The following EPB41L5 variants were observed in gnomAD, a reference collection of about 807,000 sequenced individuals.
EPB41L5 encodes band 4.1-like protein 5.
Under a neutral mutation model 106.6 loss-of-function variants are expected in EPB41L5, and 55 were observed. The ratio of observed to expected loss-of-function variants is 0.52; its 90% CI spans 0.42 to 0.65. The LOEUF is 0.65. Ranked by LOEUF, EPB41L5 falls within the 30% of genes least tolerant of loss-of-function variation. The probability of loss-of-function intolerance (pLI) is 0.00; values close to 1 mark genes in which losing one functional copy is unlikely to be tolerated. For synonymous variants in EPB41L5, 297 were observed against 306.7 expected, an observed-to-expected ratio of 0.97 and a Z score of 0.33; for missense variants, 871 against 882.1, an observed-to-expected ratio of 0.99 and a Z score of 0.16.
chr2:120,019,546 T>G (rs902198963), intron 2 of EPB41L5, among the ~76,000 whole-genome samples: 1 of 152,184 alleles, frequency 6.6e-6, no homozygotes, highest in Non-Finnish European at 1.5e-5. Flanking sequence ...TTTCTATGTG[T>G]TCTTTGTGAT....
chr2:120,038,117 G>A (rs931528224), intron 2 of EPB41L5, among the ~76,000 whole-genome samples: 7 of 152,114 alleles, frequency 4.6e-5, no homozygotes, highest in African/African-American at 1.2e-4. Context: ...AAATGTTTGC[G>A]AACCAGATAT....
At chr2:120,064,702 G>A (rs1681322995) in intron 3 of EPB41L5, among the ~76,000 whole-genome samples, 1 of 152,102 alleles carries the variant, frequency 6.6e-6, no homozygotes, top group Non-Finnish European at 1.5e-5. Context: ...CCTTTTTAAG[G>A]TACAGTGAAG....
At position 120,077,335 on chromosome 2, in the gene EPB41L5, TG is replaced by T. The variant is rs1558852714; in HGVS notation, c.714+20del. 1 of 1,591,990 alleles carries T rather than the reference TG, an allele frequency of 6.3e-7. No individual in the cohort carries two copies. The highest frequency in any genetic ancestry group is 2.2e-5 in the East Asian group (1 of 44,594). On this transcript the variant is annotated intron_variant, in intron 9 of 24. Transcript: ENST00000263713. ...GGTCAAGGTAAGCATTGTGTTGTGA[TG>T]CTTTTTTAAAAATTTATTCTTTGGA... is the stretch of plus-strand genomic sequence containing the variant.
At chr2:120,020,168 A>T (rs1366925198) in intron 2 of EPB41L5, among the ~76,000 whole-genome samples, 1 of 152,264 alleles carries the variant, frequency 6.6e-6, no homozygotes, top group East Asian at 1.9e-4. Context: ...GATATTCCTT[A>T]ATGTCTTTTC....
chr2:120,091,465 T>G, intron 12 of EPB41L5, 90 bp from the exon 13 acceptor site: 1 of 839,676 alleles, frequency 1.2e-6, no homozygotes. Flanking sequence ...ATGATTCTTT[T>G]AAGGAGAACC....
chr2:120,080,818 A>G lies in EPB41L5; in HGVS notation c.803+2237A>G, dbSNP rs555196266. On this transcript the variant is annotated intron_variant, in intron 10 of 24. Transcript: ENST00000263713. ...GGCCATTCTAACTGGTGTGAGATGTATCTCATTGTGGTTTTGATTTGCATT... is the reference window on the plus strand; with the variant it reads ...GGCCATTCTAACTGGTGTGAGATGTGTCTCATTGTGGTTTTGATTTGCATT... Among the ~76,000 whole-genome samples the G allele has an allele frequency of 2.6e-5, 4 of 152,274 alleles. No individual in the cohort carries two copies. In the East Asian group the frequency reaches 7.7e-4, roughly 29 times the overall value.
At chr2:120,159,316 G>C (rs1004437068) in intron 20 of EPB41L5, among the ~76,000 whole-genome samples, 1 of 150,256 alleles carries the variant, frequency 6.7e-6, no homozygotes. Flanking sequence ...CCAGCTACTC[G>C]GGAGGCTGAG....
intron 16 of EPB41L5, chr2:120,105,956 A>G (rs1450366790): frequency 1.0e-6 from 1 of 985,402 alleles, no homozygotes; most frequent in Non-Finnish European, 1.2e-6. Flanking sequence ...AAGAGGCACA[A>G]TGAAGTTGTA....
chr2:120,161,533 T>C (rs4848575), intron 21 of EPB41L5, among the ~76,000 whole-genome samples: 105,941 of 152,074 alleles, frequency 0.7, 38,191 homozygotes, highest in Non-Finnish European at 0.79. Flanking sequence ...GGCTATGCTT[T>C]CACTCATTTC....
intron 3 of EPB41L5, among the ~76,000 whole-genome samples, chr2:120,048,396 T>C (rs1014221337): frequency 6.6e-6 from 1 of 152,200 alleles, no homozygotes; most frequent in Non-Finnish European, 1.5e-5. Context: ...TGGGAGGGTG[T>C]ATGTGTCCAG....
chr2:120,093,920 T>G (rs1683577481), intron 14 of EPB41L5, among the ~76,000 whole-genome samples: 1 of 152,212 alleles, frequency 6.6e-6, no homozygotes, highest in African/African-American at 2.4e-5. Flanking sequence ...TCTCTTTATG[T>G]GAATCTTAAA....
chr2:120,014,183 G>T (rs1574450830), intron 1 of EPB41L5, among the ~76,000 whole-genome samples: 1 of 152,120 alleles, frequency 6.6e-6, no homozygotes, highest in Non-Finnish European at 1.5e-5. Context: ...CCATATTGTG[G>T]CCACCAGTCA....
intron 18 of EPB41L5, among the ~76,000 whole-genome samples, chr2:120,133,728 C>G (rs954597771): frequency 6.6e-6 from 1 of 152,144 alleles, no homozygotes; most frequent in Non-Finnish European, 1.5e-5. Flanking sequence ...GTGCTGGGCT[C>G]AGAGCCAGTG....
chr2:120,163,527 A>G (rs1412504961), intron 21 of EPB41L5, among the ~76,000 whole-genome samples: 5 of 151,938 alleles, frequency 3.3e-5, no homozygotes, highest in African/African-American at 4.8e-5. Flanking sequence ...AAGTCTAGAT[A>G]AAGGAGCATT....
chr2:120,036,487 A>G (rs181578836), intron 2 of EPB41L5, among the ~76,000 whole-genome samples: 1 of 152,282 alleles, frequency 6.6e-6, no homozygotes, highest in African/African-American at 2.4e-5. Context: ...TCCCAAATAA[A>G]TATGTCCAAA....
chr2:120,106,185 G>T (rs531616336), intron 16 of EPB41L5: 41 of 985,346 alleles, frequency 4.2e-5, no homozygotes, highest in Middle Eastern at 5.2e-4. Context: ...TTGTTGTAAA[G>T]AATTGATTTG....
chr2:120,086,192 T>A (rs1426175452), intron 10 of EPB41L5, among the ~76,000 whole-genome samples: 1 of 152,166 alleles, frequency 6.6e-6, no homozygotes, highest in Non-Finnish European at 1.5e-5. Flanking sequence ...CAGAGTGAGA[T>A]TCTGTTTCCT....
At chr2:120,082,223 T>G (rs1215495228) in intron 10 of EPB41L5, among the ~76,000 whole-genome samples, 2 of 152,204 alleles carry the variant, frequency 1.3e-5, no homozygotes, top group Non-Finnish European at 2.9e-5. Context: ...TTTTGCCCTT[T>G]CAGTATGATA....
intron 3 of EPB41L5, among the ~76,000 whole-genome samples, chr2:120,062,522 AAGAG>A (rs1169661741): frequency 3.9e-5 from 6 of 152,198 alleles, no homozygotes; most frequent in African/African-American, 1.4e-4. Context: ...CATCAGGTCA[AAGAG>A]AGAGAGTTTA....
Sources: allele counts gnomAD v4.1 joint callset (sites outside exome capture counted in the v4.1 genomes callset), GRCh38; gene constraint gnomAD v4.1.1; transcripts MANE v1.5; gene names NCBI Gene and HGNC (gene_info 2026-07-23, HGNC 2026-07-21).